MAP3K8: variants seen among roughly 807,000 people sequenced by gnomAD.
MAP3K8 encodes Ewing sarcoma transformant.
In MAP3K8, 22 loss-of-function variants were observed where a neutral mutation model predicts 45.8. The ratio of observed to expected loss-of-function variants is 0.48; its 90% confidence interval spans 0.34 to 0.69. The LOEUF (loss-of-function observed/expected upper bound fraction) is 0.69, where lower values mean the gene tolerates loss of function less well. Among genes scored for constraint, MAP3K8 ranks in the 30% least tolerant of loss-of-function variants. The pLI is 0.01. For synonymous variants in MAP3K8, 223 were observed against 214.3 expected, an observed-to-expected ratio of 1.04 and a Z score of -0.36; for missense variants, 419 against 585.0, an observed-to-expected ratio of 0.72 and a Z score of 2.93.
chr10:30,450,484 T>A lies in MAP3K8; in HGVS notation c.731T>A (p.Leu244Gln). 1 of 1,614,164 alleles carries A rather than the reference T, an allele frequency of 6.2e-7. No individual in the cohort carries two copies. Among genetic ancestry groups the A allele is most frequent in the Non-Finnish European group, 8.5e-7 (1 of 1,179,978 alleles). The part of the protein sequence containing the change: ...TKHVLKGLDF[L>Q]HSKKVIHHDI... The stretch of plus-strand genomic sequence containing the variant: ...CATGTTCTCAAGGGACTTGATTTTC[T>A]ACACTCAAAGAAAGTGATCCATCAT... The change falls in exon 5 of 9, where the codon CTA (leucine) becomes CAA (glutamine). Residue 244 changes from leucine to glutamine, a missense_variant. Transcript: ENST00000263056.
At chr10:30,442,491 G>C (rs985922068) in intron 3 of MAP3K8, among the ~76,000 whole-genome samples, 1 of 152,188 alleles carries the variant, frequency 6.6e-6, no homozygotes, top group African/African-American at 2.4e-5. Context: ...TAGAGAACCA[G>C]GAATTACAAA....
At chr10:30,450,617 G>T in intron 5 of MAP3K8, 98 bp downstream of exon 5, 1 of 1,093,076 alleles carries the variant, frequency 9.1e-7, no homozygotes, top group African/African-American at 1.6e-5. Flanking sequence ...CTCCATGGAG[G>T]GTGGAAAGCT....
At chr10:30,458,385 A>T in intron 7 of MAP3K8, 149 bp downstream of exon 7, 2 of 491,332 alleles carry the variant, frequency 4.1e-6, no homozygotes, top group Non-Finnish European at 6.8e-6. Context: ...AGTTCTTCCC[A>T]TGTAGAAGCA....
intron 3 of MAP3K8, among the ~76,000 whole-genome samples, chr10:30,445,867 G>C (rs1402840055): frequency 6.6e-6 from 1 of 152,206 alleles, no homozygotes; most frequent in Non-Finnish European, 1.5e-5. Flanking sequence ...ACATCTGTTT[G>C]TGGGATGTGT....
rs769015219 is a variant in MAP3K8 at position 30,459,162 on chromosome 10, C to T, written c.1027-93C>T. On this transcript the variant is annotated intron_variant, in intron 7 of 8. Coordinates refer to ENST00000263056, the MANE Select transcript of MAP3K8 (RefSeq NM_005204.4). ...TCGTTGCAGGGCATGTGGTGGAAAA[C>T]GGATTACTTTCTAGGTCCTGGTACT... The T allele has an allele frequency of 8.1e-5, 113 of 1,393,100 alleles. 1 individual carries two copies. Among genetic ancestry groups the T allele is most frequent in the South Asian group, 1.5e-4 (12 of 80,908 alleles). 86.3% of individuals were successfully genotyped at this position (1,393,100 alleles called of 1,614,324 possible).
At chr10:30,451,063 A>G in intron 5 of MAP3K8, among the ~76,000 whole-genome samples, 1 of 150,694 alleles carries the variant, frequency 6.6e-6, no homozygotes, top group Non-Finnish European at 1.5e-5. Context: ...TTGCTCTCCC[A>G]GCCTGGGTGA....
intron 3 of MAP3K8, among the ~76,000 whole-genome samples, chr10:30,447,220 T>C (rs141080429): frequency 7.1e-4 from 108 of 152,342 alleles, no homozygotes; most frequent in Admixed American, 2.6e-3. Context: ...ATGCATGCGA[T>C]AGATATTAAG....
intron 3 of MAP3K8, among the ~76,000 whole-genome samples, chr10:30,446,455 A>G (rs1299093465): frequency 2.6e-5 from 4 of 151,896 alleles, no homozygotes; most frequent in African/African-American, 9.7e-5. Context: ...GAATCCCTTG[A>G]ACCCAGGAGG....
At chr10:30,441,282 G>T (rs952017249) in intron 3 of MAP3K8, among the ~76,000 whole-genome samples, 1 of 151,588 alleles carries the variant, frequency 6.6e-6, no homozygotes. Flanking sequence ...TCTGCCTCCC[G>T]AGTTGCTGGG....
intron 7 of MAP3K8, 106 bp from the exon 8 acceptor site, chr10:30,459,149 A>G (rs1836845316): frequency 1.7e-6 from 2 of 1,192,306 alleles, no homozygotes; most frequent in Non-Finnish European, 2.4e-6. Context: ...GTTGCAGGGC[A>G]TGTGGTGGAA....
Position 30,447,945 on chromosome 10 carries a change from A to C in MAP3K8, c.500A>C (p.Lys167Thr), listed in dbSNP as rs1171416401. The part of the protein sequence containing the change: ...DIKTKKRMAC[K>T]LIPVDQFKPS... The stretch of plus-strand genomic sequence containing the variant: ...AAGACGAAGAAAAGAATGGCGTGTA[A>C]ACTGGTATGTGTTTTCTACCTAGAT... The change falls in exon 4 of 9, where the codon AAA becomes ACA. Residue 167 changes from lysine to threonine, a missense_variant. Around this residue, in one of 3 missense-constraint regions of MAP3K8, gnomAD observed 209 missense variants for 367.3 expected, o/e 0.57. Coordinates refer to ENST00000263056, the MANE Select transcript of MAP3K8 (RefSeq NM_005204.4). 2 of 1,606,242 alleles carry C rather than the reference A, an allele frequency of 1.2e-6. No homozygotes were observed. The highest frequency in any genetic ancestry group is 1.7e-6 in the Non-Finnish European group (2 of 1,178,168).
chr10:30,451,059 T>C (rs1588783443), intron 5 of MAP3K8, among the ~76,000 whole-genome samples: 1 of 136,450 alleles, frequency 7.3e-6, no homozygotes, highest in South Asian at 2.3e-4. Flanking sequence ...GCCATTGCTC[T>C]CCCAGCCTGG....
chr10:30,457,709 G>C (rs967995544), intron 6 of MAP3K8, among the ~76,000 whole-genome samples: 3 of 152,066 alleles, frequency 2.0e-5, no homozygotes, highest in African/African-American at 7.2e-5. Flanking sequence ...GCAGTGGTGC[G>C]ATCTCGGCTC....
rs532103511 is a variant in MAP3K8, at chr10:30,437,115, G to C, written c.-254-61G>C. The C allele has an allele frequency of 4.3e-5, 40 of 926,966 alleles. No homozygotes were observed. In the African/African-American group the frequency reaches 5.0e-4, roughly 12 times the overall value. 57.4% of individuals were successfully genotyped at this position (926,966 alleles called of 1,614,324 possible). ...TCTAGATTTCACGGTGGTGATAACA[G>C]CCATGAAAGCATTTCATAGGTTTCT... is the stretch of plus-strand genomic sequence containing the variant. On this transcript the variant is annotated intron_variant, in intron 1 of 8. Coordinates refer to ENST00000263056, the MANE Select transcript of MAP3K8 (RefSeq NM_005204.4).
Position 30,461,715 on chromosome 10 carries a change from T to TTGTAAAGTATGTGAGTAGTCTTA in MAP3K8, c.*892_*914dup. 5.4e-6 allele frequency: 1 copy of TTGTAAAGTATGTGAGTAGTCTTA among 184,956 alleles called. No individual in the cohort carries two copies. Among genetic ancestry groups the TTGTAAAGTATGTGAGTAGTCTTA allele is most frequent in the Non-Finnish European group, 1.1e-5 (1 of 87,366 alleles). The allele number at this position is 184,956 out of a possible 1,614,324, so 11.5% of individuals were successfully genotyped here. A position where few individuals can be genotyped will look rare whatever the true frequency, so the allele number is the denominator to read the frequency against. On this transcript the variant is annotated 3_prime_UTR_variant, in exon 9 of 9. Transcript: ENST00000263056. ...TTCATACATATATATATTTGTAACA[T>TTGTAAAGTATGTGAGTAGTCTTA]TGTAAAGTATGTGAGTAGTCTTATG...
rs577031274 is a variant in MAP3K8, at chr10:30,439,067, A to G, written c.129A>G (p.Glu43=). 12 of 1,614,192 alleles carry G rather than the reference A, an allele frequency of 7.4e-6. No individual in the cohort carries two copies. Among genetic ancestry groups the G allele is most frequent in the East Asian group, 6.7e-5 (3 of 44,884 alleles). The change falls in exon 3 of 9, where the codon GAA becomes GAG. Residue 43 remains glutamate (E), a synonymous_variant. Transcript: ENST00000263056. ...CAAGTGAAGAGCCAGCAGTTTATGAACCCAGTCTAATGACCATGTGTCAAG... is the reference window on the plus strand; with the variant it reads ...CAAGTGAAGAGCCAGCAGTTTATGAGCCCAGTCTAATGACCATGTGTCAAG... ...LYASEEPAVY[E]PSLMTMCQDS...
At chr10:30,456,965 T>A (rs2132829788) in intron 6 of MAP3K8, among the ~76,000 whole-genome samples, 1 of 152,104 alleles carries the variant, frequency 6.6e-6, no homozygotes, top group Middle Eastern at 3.4e-3. Flanking sequence ...ATGCCTGTAA[T>A]CCCAGCTAGT....
chr10:30,453,952 GAAGGAGAA>G (rs1317213700), intron 6 of MAP3K8, among the ~76,000 whole-genome samples: 1 of 140,136 alleles, frequency 7.1e-6, no homozygotes, highest in Non-Finnish European at 1.6e-5. Flanking sequence ...AGGAAGGAAG[GAAGGAGAA>G]AGAAAAAGGA....
At chr10:30,436,446 T>G (rs1182570514) in intron 1 of MAP3K8, among the ~76,000 whole-genome samples, 1 of 152,086 alleles carries the variant, frequency 6.6e-6, no homozygotes, top group Non-Finnish European at 1.5e-5. Flanking sequence ...CAGACACTCC[T>G]CCACCTCCCG....
Sources: gnomAD v4.1 joint callset for allele counts (sites outside exome capture counted in the v4.1 genomes callset) on GRCh38, gnomAD v4.1.1 for gene constraint, gnomAD v4.1.1 regional missense constraint, MANE v1.5 for transcripts, NCBI Gene and HGNC (gene_info 2026-07-23, HGNC 2026-07-21) for gene names.